The following IFT74 variants were observed in gnomAD, a reference collection of about 807,000 sequenced individuals.
IFT74 encodes the protein intraflagellar transport protein 74 homolog.
Under a neutral mutation model 96.7 loss-of-function variants are expected in IFT74, and 92 were observed. The observed-to-expected ratio is 0.95, with a 90% CI of 0.80 to 1.13. IFT74 has a LOEUF of 1.13. Among genes scored for constraint, IFT74 ranks in the 50% most tolerant of loss-of-function variants. IFT74 has a pLI of 0.00. For missense variants in IFT74, 811 were observed against 698.2 expected (o/e 1.16, Z -1.82); for synonymous variants, 223 against 213.2 (o/e 1.05, Z -0.40).
At position 26,968,256 on chromosome 9, in the gene IFT74, T is replaced by TA. The variant is rs201109433; in HGVS notation, c.120+6178dup. ...CTTTGCTGGGAGACGTTTTTTAAAT[T>TA]AAAAAAAAATTTTTTTTTTTTTTGA... On this transcript the variant is annotated intron_variant, in intron 2 of 19. Transcript: ENST00000380062. 7.7e-4 allele frequency among the ~76,000 whole-genome samples: 109 copies of TA among 141,130 alleles called. No homozygotes were observed. The Middle Eastern group carries it at 0.014, about 18-fold the overall frequency. 92.6% of individuals were successfully genotyped at this position (141,130 alleles called of 152,430 possible). A position where few individuals can be genotyped will look rare whatever the true frequency, so the allele number is the denominator to read the frequency against.
chr9:26,953,156 T>C (rs923272395), upstream of IFT74, among the ~76,000 whole-genome samples: 4 of 152,200 alleles, frequency 2.6e-5, no homozygotes, highest in African/African-American at 9.7e-5. Context: ...GAAATTTTGC[T>C]TTCAGTGAGA....
At chr9:27,027,445 A>G (rs1179744033) in intron 12 of IFT74, among the ~76,000 whole-genome samples, 1 of 152,176 alleles carries the variant, frequency 6.6e-6, no homozygotes, top group African/African-American at 2.4e-5. Flanking sequence ...TATGAGCAGC[A>G]TGTGAGGGTT....
chr9:26,984,306 A>G lies in IFT74; in HGVS notation c.355A>G (p.Ile119Val). 1 of 1,581,170 alleles carries G rather than the reference A, an allele frequency of 6.3e-7. No homozygotes were observed. The highest frequency in any genetic ancestry group is 8.6e-7 in the Non-Finnish European group (1 of 1,162,546). The change falls in exon 5 of 20, where the codon ATA becomes GTA. Residue 119 changes from isoleucine (I) to valine (V), a missense_variant. Transcript: ENST00000380062. ...TGAAGTTAATAAACTTCAGAAGGGA[A>G]TAGAAATGTACAATCAAGAGAATTC... The part of the protein sequence containing the change: ...TTEVNKLQKG[I>V]EMYNQENSVY...
intron 3 of IFT74, 44 bp downstream of exon 3, chr9:26,978,307 T>A (rs368758919): frequency 6.3e-7 from 1 of 1,587,084 alleles, no homozygotes; most frequent in Non-Finnish European, 8.6e-7. Flanking sequence ...CTGTGTTTTG[T>A]AAGAAATAAA....
chr9:26,947,417 C>T (rs959949082), intron 1 of IFT74: 8 of 200,930 alleles, frequency 4.0e-5, no homozygotes, highest in Admixed American at 6.0e-5. Context: ...ACCCTGGGGT[C>T]CTTCCCAAAC....
At position 27,052,508 on chromosome 9, in the gene IFT74, A is replaced by C. The variant is rs934295626; in HGVS notation, c.1334-3101A>C. Among the ~76,000 whole-genome samples, 15 of 99,856 alleles carry C rather than the reference A, an allele frequency of 1.5e-4. No individual in the cohort carries two copies. The East Asian group carries it at 3.5e-3, about 23-fold the overall frequency. 65.5% of individuals were successfully genotyped at this position (99,856 alleles called of 152,430 possible). On this transcript the variant is annotated intron_variant, in intron 16 of 19. Coordinates refer to ENST00000380062, the MANE Select transcript of IFT74 (RefSeq NM_025103.4). ...GGGCAACAGAGTGAAAATCTATCTC[A>C]AAAAAAAAAAAAAAAAAAAAAAGTA... is the stretch of plus-strand genomic sequence containing the variant.
chr9:27,037,415 A>G (rs1469481539), intron 13 of IFT74, among the ~76,000 whole-genome samples: 1 of 152,210 alleles, frequency 6.6e-6, no homozygotes, highest in African/African-American at 2.4e-5. Flanking sequence ...ATGACTAGCT[A>G]GCTGTGGAAA....
chr9:27,062,571 A>G (rs1332533316), intron 19 of IFT74, 47 bp from the exon 20 acceptor site: 2 of 1,048,130 alleles, frequency 1.9e-6, no homozygotes, highest in African/African-American at 3.2e-5. Context: ...CTCAGGCACA[A>G]TTAGATTTTT....
rs138812309 is a variant in IFT74 at position 26,959,140 on chromosome 9, G to A, written c.-20+2624G>A. On this transcript the variant is annotated intron_variant, in intron 1 of 19. Coordinates refer to ENST00000380062, the MANE Select transcript of IFT74 (RefSeq NM_025103.4). Reference sequence around the variant, plus strand: ...TGTTGTTGTTTTGAGACGGAGTCTCGCTCTGTCGCCCAGGCTGGAGTGCAG... The same window carrying A: ...TGTTGTTGTTTTGAGACGGAGTCTCACTCTGTCGCCCAGGCTGGAGTGCAG... Among the ~76,000 whole-genome samples the A allele has an allele frequency of 6.9e-3, 1,044 of 151,710 alleles. 8 individuals are homozygous for A. The highest frequency in any genetic ancestry group is 0.012 in the Non-Finnish European group (829 of 67,828).
At chr9:27,007,295 T>C (rs1398557736) in intron 8 of IFT74, among the ~76,000 whole-genome samples, 2 of 152,200 alleles carry the variant, frequency 1.3e-5, no homozygotes, top group African/African-American at 4.8e-5. Flanking sequence ...CTCTGTAAAA[T>C]GGAATACTTT....
chr9:27,050,413 T>C (rs1180295669), intron 16 of IFT74, among the ~76,000 whole-genome samples: 3 of 152,190 alleles, frequency 2.0e-5, no homozygotes, highest in African/African-American at 7.2e-5. Flanking sequence ...ATGGCTGCCA[T>C]TGGGATGGTG....
At chr9:27,018,606 G>C (rs752024887) in intron 11 of IFT74, 41 bp from the exon 12 acceptor site, 1 of 1,143,092 alleles carries the variant, frequency 8.7e-7, no homozygotes, top group Admixed American at 2.0e-5. Context: ...CTTACAATGA[G>C]TTATTTTTTT....
At chr9:27,037,933 A>G (rs1416151306) in intron 13 of IFT74, among the ~76,000 whole-genome samples, 6 of 152,198 alleles carry the variant, frequency 3.9e-5, no homozygotes, top group African/African-American at 1.2e-4. Flanking sequence ...TTCACTAATG[A>G]CAATGTTGCA....
chr9:27,038,097 G>T (rs921731265), intron 13 of IFT74, among the ~76,000 whole-genome samples: 4 of 152,156 alleles, frequency 2.6e-5, no homozygotes, highest in Non-Finnish European at 4.4e-5. Flanking sequence ...ATGGATTTAT[G>T]GAAGAGCTTT....
chr9:26,968,875 T>G (rs1377900303), intron 2 of IFT74, among the ~76,000 whole-genome samples: 2 of 144,096 alleles, frequency 1.4e-5, no homozygotes, highest in South Asian at 2.3e-4. Context: ...ACTTTGTGTT[T>G]CATTAATCTT....
chr9:27,012,205 C>T (rs1829116245), intron 10 of IFT74, among the ~76,000 whole-genome samples: 2 of 152,082 alleles, frequency 1.3e-5, no homozygotes, highest in East Asian at 3.9e-4. Context: ...CTAGGACATG[C>T]AAAATCCAAT....
chr9:26,975,495 T>C (rs1315496747), intron 2 of IFT74, among the ~76,000 whole-genome samples: 2 of 152,238 alleles, frequency 1.3e-5, no homozygotes, highest in Non-Finnish European at 2.9e-5. Flanking sequence ...TCTTTTCTTT[T>C]ATGTTTAGTT....
chr9:27,018,376 G>C (rs1563978865), intron 11 of IFT74, among the ~76,000 whole-genome samples: 1 of 152,260 alleles, frequency 6.6e-6, no homozygotes. Context: ...ACTTATCCAG[G>C]CCTGAAGATG....
At chr9:26,953,419 A>G (rs1415603155), upstream of IFT74, among the ~76,000 whole-genome samples, 1 of 152,072 alleles carries the variant, frequency 6.6e-6, no homozygotes, top group Non-Finnish European at 1.5e-5. Flanking sequence ...GGACATCAGC[A>G]TATGTCATTT....
Sources: gnomAD v4.1 joint callset for allele counts (sites outside exome capture counted in the v4.1 genomes callset) on GRCh38, gnomAD v4.1.1 for gene constraint, MANE v1.5 for transcripts, NCBI Gene and HGNC (gene_info 2026-07-23, HGNC 2026-07-21) for gene names.